The following SHISAL1 variants were observed in gnomAD, a reference collection of about 807,000 sequenced individuals.
The protein encoded by SHISAL1 is protein shisa-like-1.
A neutral mutation model predicts 22.6 loss-of-function variants in SHISAL1; 9 were observed. The observed-to-expected ratio is 0.40, with a 90% confidence interval of 0.24 to 0.70. The LOEUF is 0.70. Ranked by LOEUF, SHISAL1 falls within the 30% of genes least tolerant of loss-of-function variation. The pLI is 0.39. For synonymous variants in SHISAL1, 119 were observed against 115.4 expected, an observed-to-expected ratio of 1.03 and a Z score of -0.20; for missense variants, 246 against 270.6, an observed-to-expected ratio of 0.91 and a Z score of 0.64.
chr22:44,308,637 C>G (rs1201050937), intron 1 of SHISAL1, among the ~76,000 whole-genome samples: 2 of 152,196 alleles, frequency 1.3e-5, no homozygotes, highest in Admixed American at 6.5e-5. Context: ...TGATCTCGGG[C>G]TGTCTGGAGG....
intron 4 of SHISAL1, among the ~76,000 whole-genome samples, chr22:44,255,877 C>G (rs1473999865): frequency 6.6e-6 from 1 of 152,160 alleles, no homozygotes; most frequent in African/African-American, 2.4e-5. Context: ...ACAGGGTGCC[C>G]TGATATTTGG....
At chr22:44,328,939 C>T in the SHISAL1 span, among the ~76,000 whole-genome samples, 1 of 152,216 alleles carries the variant, frequency 6.6e-6, no homozygotes, top group Non-Finnish European at 1.5e-5. Context: ...CATCTCTGCC[C>T]ACAGAGGGTC....
At chr22:44,301,777 A>G (rs946543104) in intron 1 of SHISAL1, among the ~76,000 whole-genome samples, 3 of 152,190 alleles carry the variant, frequency 2.0e-5, no homozygotes, top group Non-Finnish European at 4.4e-5. Context: ...AGAGGGAATT[A>G]TGCCTATGAA....
chr22:44,276,561 G>A (rs2055240949), intron 4 of SHISAL1, among the ~76,000 whole-genome samples: 2 of 152,086 alleles, frequency 1.3e-5, no homozygotes, highest in African/African-American at 4.8e-5. Flanking sequence ...TCAGTGGAGG[G>A]GTGGGTATGG....
intron 4 of SHISAL1, among the ~76,000 whole-genome samples, chr22:44,266,365 C>G (rs989597142): frequency 1.4e-5 from 2 of 141,030 alleles, no homozygotes; most frequent in African/African-American, 5.5e-5. Context: ...GGGGAGTGGA[C>G]GAGGCAGTGG....
chr22:44,249,783 A>G (rs2055034302), intron 4 of SHISAL1, 98 bp from the exon 5 acceptor site: 1 of 753,784 alleles, frequency 1.3e-6, no homozygotes, highest in Non-Finnish European at 2.5e-6. Context: ...GTTTTCTCTG[A>G]GCATGTGGGT....
In SHISAL1 at chr22:44,247,872, A is replaced by ACCTGGCTTTCTTGTGCCT. The variant is rs1351978254; in HGVS notation, c.*1812_*1813insAGGCACAAGAAAGCCAGG. On this transcript the variant is annotated 3_prime_UTR_variant, in exon 5 of 5. Coordinates refer to ENST00000381176, the MANE Select transcript of SHISAL1 (RefSeq NM_001099294.2). ...CTGCCTTCCCTCTGGGTCCCCAGCC[A>ACCTGGCTTTCTTGTGCCT]CCTGGCTTTCTTGTGCCACCTGGCT... 2 of 151,724 alleles carry ACCTGGCTTTCTTGTGCCT rather than the reference A, an allele frequency of 1.3e-5. No individual in the cohort carries two copies. Among genetic ancestry groups the ACCTGGCTTTCTTGTGCCT allele is most frequent in the Admixed American group, 1.3e-4 (2 of 15,200 alleles). 9.4% of individuals were successfully genotyped at this position (151,724 alleles called of 1,614,324 possible).
chr22:44,301,769 A>T (rs368343002), intron 1 of SHISAL1, among the ~76,000 whole-genome samples: 2 of 152,184 alleles, frequency 1.3e-5, no homozygotes, highest in African/African-American at 4.8e-5. Flanking sequence ...GGGATCCCAG[A>T]GGGAATTATG....
At chr22:44,256,625 C>A (rs1432690360) in intron 4 of SHISAL1, among the ~76,000 whole-genome samples, 2 of 152,164 alleles carry the variant, frequency 1.3e-5, no homozygotes, top group Non-Finnish European at 2.9e-5. Context: ...CGCATTATCA[C>A]CATCTGACAG....
intron 3 of SHISAL1, 26 bp downstream of exon 3, chr22:44,296,646 G>A (rs2055388137): frequency 1.2e-6 from 2 of 1,607,612 alleles, no homozygotes; most frequent in Non-Finnish European, 8.5e-7. Context: ...GAGGCAGTGG[G>A]GTTGCACCCC....
At chr22:44,286,173 G>A (rs778018230) in intron 3 of SHISAL1, among the ~76,000 whole-genome samples, 2 of 152,102 alleles carry the variant, frequency 1.3e-5, no homozygotes, top group Non-Finnish European at 2.9e-5. Flanking sequence ...CCTGGCACCC[G>A]GGATGCTCTC....
rs185048192 is a variant in SHISAL1 at position 44,305,698 on chromosome 22, C to T, written c.-32-4721G>A. Among the ~76,000 whole-genome samples the T allele has an allele frequency of 5.3e-5, 8 of 152,340 alleles. No homozygotes were observed. The East Asian group carries it at 1.5e-3, about 29-fold the overall frequency. Reference sequence around the variant, plus strand: ...TCCCTGCCACAGCACGCTGTGGTTGCGCTGGTCCCACGTCCAGCCTGGGCT... The same window carrying T: ...TCCCTGCCACAGCACGCTGTGGTTGTGCTGGTCCCACGTCCAGCCTGGGCT... On this transcript the variant is annotated intron_variant, in intron 1 of 4. Coordinates refer to ENST00000381176, the MANE Select transcript of SHISAL1 (RefSeq NM_001099294.2).
At chr22:44,261,507 G>A (rs1194964615) in intron 4 of SHISAL1, among the ~76,000 whole-genome samples, 5 of 152,210 alleles carry the variant, frequency 3.3e-5, no homozygotes, top group East Asian at 3.9e-4. Flanking sequence ...TTCAGGTCCC[G>A]GCTCTGCCCC....
In SHISAL1 at chr22:44,286,056, C is replaced by A. The variant is rs143772439; in HGVS notation, c.282-311G>T. Among the ~76,000 whole-genome samples the A allele has an allele frequency of 1.8e-3, 273 of 152,342 alleles. 3 individuals carry two copies. The highest frequency in any genetic ancestry group is 6.2e-3 in the African/African-American group (258 of 41,582). On this transcript the variant is annotated intron_variant, in intron 3 of 4. Transcript: ENST00000381176. ...TTTGGGGGGAATTCTGAGCTGGCATCTGGGGCTCCCAGGACATGGCAGCCT... is the reference window on the plus strand; with the variant it reads ...TTTGGGGGGAATTCTGAGCTGGCATATGGGGCTCCCAGGACATGGCAGCCT...
chr22:44,319,718 G>A, the SHISAL1 span, among the ~76,000 whole-genome samples: 2 of 152,330 alleles, frequency 1.3e-5, no homozygotes, highest in East Asian at 3.9e-4. Flanking sequence ...CGGCTCTCCT[G>A]CCCTTCCCAC....
chr22:44,246,239 A>C lies in SHISAL1; in HGVS notation c.*3446T>G, dbSNP rs1354757510. On this transcript the variant is annotated 3_prime_UTR_variant, in exon 5 of 5. Coordinates refer to ENST00000381176, the MANE Select transcript of SHISAL1 (RefSeq NM_001099294.2). ...TCACACCGTACACAGACGAGAGGGA[A>C]AGCATAAAACTGCTCATTAATTACA... 6.6e-6 allele frequency: 1 copy of C among 152,214 alleles called. No homozygotes were observed. The highest frequency in any genetic ancestry group is 2.4e-5 in the African/African-American group (1 of 41,444). 9.4% of individuals were successfully genotyped at this position (152,214 alleles called of 1,614,324 possible). A position where few individuals can be genotyped will look rare whatever the true frequency, so the allele number is the denominator to read the frequency against.
upstream of SHISAL1, among the ~76,000 whole-genome samples, chr22:44,315,665 C>A (rs1202397746): frequency 1.3e-5 from 2 of 152,196 alleles, no homozygotes; most frequent in African/African-American, 4.8e-5. Context: ...GCCACAGAAT[C>A]CCAATGCTGC....
chr22:44,296,379 C>T lies in SHISAL1; in HGVS notation c.281+293G>A, dbSNP rs549075047. ...TTCACCATGTTGGCTAGGCTGGTCT[C>T]GAACTCCTGACCTCAGGTGATCCAC... On this transcript the variant is annotated intron_variant, in intron 3 of 4. Transcript: ENST00000381176. 3.8e-3 allele frequency among the ~76,000 whole-genome samples: 578 copies of T among 151,240 alleles called. 3 individuals carry two copies. The highest frequency in any genetic ancestry group is 0.013 in the African/African-American group (549 of 41,298).
At chr22:44,305,813 C>T (rs12162979) in intron 1 of SHISAL1, among the ~76,000 whole-genome samples, 10,604 of 152,248 alleles carry the variant, frequency 0.07, 531 homozygotes, top group East Asian at 0.18. Context: ...CGATCAAAGC[C>T]GCAGCCCTGT....
Sources: gnomAD v4.1 joint callset for allele counts (sites outside exome capture counted in the v4.1 genomes callset) on GRCh38, gnomAD v4.1.1 for gene constraint, MANE v1.5 for transcripts, NCBI Gene and HGNC (gene_info 2026-07-23, HGNC 2026-07-21) for gene names.